The following RAP1A variants were observed in gnomAD, a reference collection of about 807,000 sequenced individuals.
RAP1A encodes the protein ras-related protein Rap-1A.
A neutral mutation model predicts 26.4 loss-of-function variants in RAP1A; 6 were observed. The observed-to-expected ratio is 0.23, with a 90% CI of 0.12 to 0.45. The LOEUF is 0.45. Among genes scored for constraint, RAP1A ranks in the 20% least tolerant of loss-of-function variants. The probability of loss-of-function intolerance (pLI) is 0.99; values close to 1 mark genes in which losing one functional copy is unlikely to be tolerated. For missense variants in RAP1A, 121 were observed against 217.2 expected (o/e 0.56, Z 2.78); for synonymous variants, 73 against 79.4 (o/e 0.92, Z 0.43).
chr1:111,645,553 A>G (rs933758781), intron 1 of RAP1A, among the ~76,000 whole-genome samples: 5 of 152,242 alleles, frequency 3.3e-5, no homozygotes, highest in Admixed American at 3.3e-4. Context: ...TTTGCGGGTG[A>G]AACAACAGGA....
chr1:111,694,570 TA>T (rs1661771807), intron 2 of RAP1A, among the ~76,000 whole-genome samples: 1 of 152,178 alleles, frequency 6.6e-6, no homozygotes, highest in South Asian at 2.1e-4. Context: ...TGGATGCCTT[TA>T]AAAGTTGATA....
chr1:111,566,562 C>T (rs1242283028), intron 1 of RAP1A, among the ~76,000 whole-genome samples: 1 of 152,180 alleles, frequency 6.6e-6, no homozygotes, highest in African/African-American at 2.4e-5. Flanking sequence ...AAAGAAACAT[C>T]ACCTGGAATT....
intron 1 of RAP1A, among the ~76,000 whole-genome samples, chr1:111,577,145 G>A (rs1367856757): frequency 6.6e-6 from 1 of 152,166 alleles, no homozygotes; most frequent in Non-Finnish European, 1.5e-5. Flanking sequence ...GCTCACGCCT[G>A]TAATCCCAGC....
chr1:111,616,990 G>A (rs1478012995), upstream of RAP1A, among the ~76,000 whole-genome samples: 1 of 152,218 alleles, frequency 6.6e-6, no homozygotes, highest in Non-Finnish European at 1.5e-5. Flanking sequence ...GCACTCAGTG[G>A]AAACTGGGAA....
At chr1:111,689,346 C>T (rs1050416141) in intron 1 of RAP1A, among the ~76,000 whole-genome samples, 3 of 151,442 alleles carry the variant, frequency 2.0e-5, no homozygotes, top group African/African-American at 7.3e-5. Context: ...TCCCTTTCCC[C>T]TTCTCTTCTT....
At chr1:111,594,965 T>C (rs1458854522) in intron 1 of RAP1A, among the ~76,000 whole-genome samples, 2 of 152,264 alleles carry the variant, frequency 1.3e-5, no homozygotes, top group African/African-American at 4.8e-5. Flanking sequence ...TATAGGCATA[T>C]AGACTTATTC....
At chr1:111,669,301 T>C (rs1451759733) in intron 1 of RAP1A, among the ~76,000 whole-genome samples, 1 of 152,220 alleles carries the variant, frequency 6.6e-6, no homozygotes, top group Non-Finnish European at 1.5e-5. Flanking sequence ...TAGCTAAAAC[T>C]TCTGTTTCAT....
chr1:111,593,652 C>CTTTTT (rs994763442), intron 1 of RAP1A, among the ~76,000 whole-genome samples: 15,772 of 65,222 alleles, frequency 0.24, 3,598 homozygotes, highest in Non-Finnish European at 0.33. Context: ...ATGACTCCTA[C>CTTTTT]TTTTTTTTTT....
At chr1:111,648,476 T>C in intron 1 of RAP1A, 1 of 548,502 alleles carries the variant, frequency 1.8e-6, no homozygotes, top group Non-Finnish European at 3.4e-6. Context: ...GACCTTGATA[T>C]TCAGCAGGGC....
chr1:111,574,318 G>A (rs536837303), intron 1 of RAP1A, among the ~76,000 whole-genome samples: 341 of 152,250 alleles, frequency 2.2e-3, no homozygotes, highest in African/African-American at 8.1e-3. Flanking sequence ...TGGTCCATGT[G>A]TCTGTTTTTG....
At chr1:111,563,051 T>A (rs1657804895) in intron 1 of RAP1A, among the ~76,000 whole-genome samples, 1 of 152,170 alleles carries the variant, frequency 6.6e-6, no homozygotes, top group South Asian at 2.1e-4. Flanking sequence ...AAACTAAGGC[T>A]TAAAGAGAGT....
chr1:111,689,870 G>T (rs1454718859), intron 1 of RAP1A, among the ~76,000 whole-genome samples: 2 of 152,092 alleles, frequency 1.3e-5, no homozygotes, highest in Non-Finnish European at 2.9e-5. Flanking sequence ...TAGAGATGGG[G>T]TTTCACCATG....
At chr1:111,558,645 A>C (rs983744266) in intron 1 of RAP1A, among the ~76,000 whole-genome samples, 12 of 147,138 alleles carry the variant, frequency 8.2e-5, no homozygotes, top group African/African-American at 3.3e-4. Context: ...ATCAGACAAA[A>C]ATTTTGCTAA....
In RAP1A at chr1:111,605,915, G is replaced by A. The variant is rs115135457; in HGVS notation, c.-28+63406G>A. Among the ~76,000 whole-genome samples the A allele has an allele frequency of 2.1e-3, 315 of 152,334 alleles. 1 individual carries two copies. Among genetic ancestry groups the A allele is most frequent in the African/African-American group, 6.8e-3 (282 of 41,584 alleles). ...TATCTTAAAAATGAGAAACTCTAATGAGAGGCTTCCAGAGCAAGCTGAGCA... is the reference window on the plus strand; with the variant it reads ...TATCTTAAAAATGAGAAACTCTAATAAGAGGCTTCCAGAGCAAGCTGAGCA... On this transcript the variant is annotated intron_variant, in intron 1 of 7. Transcript: ENST00000356415.
At chr1:111,655,240 A>AAAG (rs10648751) in intron 1 of RAP1A, among the ~76,000 whole-genome samples, 39,246 of 127,730 alleles carry the variant, frequency 0.31, 5,951 homozygotes, top group African/African-American at 0.44. Flanking sequence ...AACTGAAAAA[A>AAAG]AAGAAAAAAA....
chr1:111,661,118 C>T (rs1300850554), intron 1 of RAP1A, among the ~76,000 whole-genome samples: 1 of 152,144 alleles, frequency 6.6e-6, no homozygotes, highest in Non-Finnish European at 1.5e-5. Context: ...GAAGGGAGCA[C>T]TGTTGTGAAA....
chr1:111,665,686 A>G (rs1209799721), intron 1 of RAP1A, among the ~76,000 whole-genome samples: 1 of 152,208 alleles, frequency 6.6e-6, no homozygotes, highest in African/African-American at 2.4e-5. Flanking sequence ...TGTTGCTAAA[A>G]CAGGATATGC....
intron 1 of RAP1A, among the ~76,000 whole-genome samples, chr1:111,651,458 G>A (rs1475341864): frequency 1.3e-5 from 2 of 149,896 alleles, no homozygotes; most frequent in African/African-American, 4.9e-5. Flanking sequence ...AATGCCTATG[G>A]GAGATATATA....
chr1:111,681,637 G>A (rs1661297543), intron 1 of RAP1A, among the ~76,000 whole-genome samples: 1 of 152,156 alleles, frequency 6.6e-6, no homozygotes, highest in Non-Finnish European at 1.5e-5. Context: ...AAAGCGTGAA[G>A]ACAAGATTAG....
Sources: allele counts gnomAD v4.1 joint callset (sites outside exome capture counted in the v4.1 genomes callset), GRCh38; gene constraint gnomAD v4.1.1; transcripts MANE v1.5; gene names NCBI Gene and HGNC (gene_info 2026-07-23, HGNC 2026-07-21).